Variants in PCDHGB6 observed in about 807,000 individuals in gnomAD.
The protein encoded by PCDHGB6 is protocadherin gamma-B6.
In PCDHGB6, 51 loss-of-function variants were observed where a neutral mutation model predicts 59.1. That is an observed-to-expected ratio of 0.86 (90% confidence interval 0.69 to 1.09). The LOEUF (loss-of-function observed/expected upper bound fraction) is 1.09, where lower values mean the gene tolerates loss of function less well. Ranked by LOEUF, PCDHGB6 falls within the 50% of genes least tolerant of loss-of-function variation. The pLI is 0.00. For synonymous variants in PCDHGB6, 466 were observed against 495.1 expected (o/e 0.94, Z 0.78); for missense variants, 1,148 against 1,205.1 (o/e 0.95, Z 0.70).
Position 141,491,094 on chromosome 5 carries a change from G to C in PCDHGB6, c.2419-3713G>C, listed in dbSNP as rs1240705650. The C allele has an allele frequency of 1.9e-6, 3 of 1,614,202 alleles. No homozygotes were observed. Among genetic ancestry groups the C allele is most frequent in the Non-Finnish European group, 2.5e-6 (3 of 1,180,030 alleles). On this transcript the variant is annotated intron_variant, in intron 1 of 3. Coordinates refer to ENST00000520790, the MANE Select transcript of PCDHGB6 (RefSeq NM_018926.3). The surrounding 1 kb of genome is among the most constrained non-coding windows in gnomAD (Gnocchi z 6.9). The stretch of plus-strand genomic sequence containing the variant: ...TGCCACAGTCCACAGCCCCAGGACT[G>C]TTCCTCGTGTCTACACACACTGGTG...
chr5:141,411,868 A>AG (rs1463496640), intron 1 of PCDHGB6: 1 of 152,224 alleles, frequency 6.6e-6, no homozygotes, highest in East Asian at 1.9e-4. Flanking sequence ...TCAAAAAAAA[A>AG]AGACATTTCT....
intron 1 of PCDHGB6, chr5:141,426,513 C>G (rs780618436): frequency 2.3e-5 from 8 of 341,028 alleles, no homozygotes; most frequent in African/African-American, 4.3e-5. Flanking sequence ...AATACTTTAC[C>G]GTGAACACGG....
chr5:141,414,533 C>T, intron 1 of PCDHGB6: 1 of 1,613,960 alleles, frequency 6.2e-7, no homozygotes, highest in Non-Finnish European at 8.5e-7. Flanking sequence ...AATGACAACC[C>T]ACCTACCTTC....
At position 141,440,639 on chromosome 5, in the gene PCDHGB6, T is replaced by C. The variant is rs2098191350; in HGVS notation, c.2418+30019T>C. On this transcript the variant is annotated intron_variant, in intron 1 of 3. Coordinates refer to ENST00000520790, the MANE Select transcript of PCDHGB6 (RefSeq NM_018926.3). ...GATCCTGATGTTGAGAGAAATTCCT[T>C]ACAAAATTATCACCTTAGCAGCAAC... 2 of 152,192 alleles carry C rather than the reference T, an allele frequency of 1.3e-5. 1 individual carries two copies. The highest frequency in any genetic ancestry group is 4.8e-5 in the African/African-American group (2 of 41,440). The allele number at this position is 152,192 out of a possible 1,614,324, so 9.4% of individuals were successfully genotyped here.
rs907427230 is a variant in PCDHGB6, at chr5:141,489,936, G to A, written c.2419-4871G>A. 4 of 1,614,096 alleles carry A rather than the reference G, an allele frequency of 2.5e-6. No homozygotes were observed. In the African/African-American group the frequency reaches 5.3e-5, roughly 22 times the overall value. ...GGACCACCCTTATCTCTGTCATCGT[G>A]CTGGACATCAATGATAATGCTCCAA... is the stretch of plus-strand genomic sequence containing the variant. On this transcript the variant is annotated intron_variant, in intron 1 of 3. Coordinates refer to ENST00000520790, the MANE Select transcript of PCDHGB6 (RefSeq NM_018926.3). This position sits in a 1 kb window ranked among gnomAD's most constrained non-coding sequence, Gnocchi z 4.5.
chr5:141,415,096 G>A (rs1398998410), intron 1 of PCDHGB6: 3 of 1,613,462 alleles, frequency 1.9e-6, no homozygotes, highest in Non-Finnish European at 2.5e-6. Flanking sequence ...GGACAGAGAC[G>A]CGCTCAAGCA....
chr5:141,439,697 A>T (rs2098127217), intron 1 of PCDHGB6, among the ~76,000 whole-genome samples: 1 of 152,218 alleles, frequency 6.6e-6, no homozygotes, highest in Non-Finnish European at 1.5e-5. Flanking sequence ...CAACATTCCT[A>T]TTATGGCTCC....
Position 141,409,669 on chromosome 5 carries a change from C to A in PCDHGB6, c.1467C>A (p.Tyr489Ter). ...PDLGLNGHISYSIVASDLEPL... is the reference protein window; with the variant it reads ...PDLGLNGHIS ...TGGGGCTCAATGGCCACATCTCCTA[C>A]TCTATAGTGGCGAGTGACCTAGAGC... Residue 489 changes from tyrosine (Y) to a stop codon, truncating the protein, a stop_gained, in exon 1 of 4, where the codon TAC becomes TAA. Transcript: ENST00000520790. LOFTEE classifies it high-confidence loss of function. The A allele has an allele frequency of 6.2e-7, 1 of 1,613,528 alleles. No homozygotes were observed. Among genetic ancestry groups the A allele is most frequent in the Non-Finnish European group, 8.5e-7 (1 of 1,179,866 alleles).
Position 141,489,245 on chromosome 5 carries a change from G to A in PCDHGB6, c.2419-5562G>A, listed in dbSNP as rs773391205. 3 of 1,536,634 alleles carry A rather than the reference G, an allele frequency of 2.0e-6. No homozygotes were observed. The South Asian group carries it at 3.9e-5, about 20-fold the overall frequency. On this transcript the variant is annotated intron_variant, in intron 1 of 3. Transcript: ENST00000520790. The surrounding 1 kb of genome is among the most constrained non-coding windows in gnomAD (Gnocchi z 4.5). The stretch of plus-strand genomic sequence containing the variant: ...CCACAAAGGGACTTCTGGGTCATGG[G>A]GCCCAAGACACTCCCACAGCTCGCT...
chr5:141,413,386 G>A (rs757396075), intron 1 of PCDHGB6: 6 of 1,613,884 alleles, frequency 3.7e-6, no homozygotes, highest in African/African-American at 1.3e-5. Context: ...AGTCCGCATA[G>A]TCTCCAGAGG....
In PCDHGB6 at chr5:141,432,002, G is replaced by A. The variant is rs781525225; in HGVS notation, c.2418+21382G>A. On this transcript the variant is annotated intron_variant, in intron 1 of 3. Transcript: ENST00000520790. This position sits in a 1 kb window ranked among gnomAD's most constrained non-coding sequence, Gnocchi z 6.0. ...AGACATAGTCTTGGATAGGGAACAG[G>A]TTCCTAGCTACAACATCACAGTGAC... The A allele has an allele frequency of 1.9e-6, 3 of 1,614,186 alleles. No homozygotes were observed. In the South Asian group the frequency reaches 3.3e-5, roughly 18 times the overall value.
At chr5:141,414,639 T>A in intron 1 of PCDHGB6, 1 of 1,613,966 alleles carries the variant, frequency 6.2e-7, no homozygotes, top group South Asian at 1.1e-5. Context: ...GCAAAGAGAA[T>A]GCCCAGATTA....
chr5:141,480,102 T>C (rs568342271), intron 1 of PCDHGB6, among the ~76,000 whole-genome samples: 1 of 152,320 alleles, frequency 6.6e-6, no homozygotes, highest in South Asian at 2.1e-4. Flanking sequence ...GCAAAGTGTT[T>C]AGCATGGTGC....
chr5:141,467,008 A>T (rs1319152720), intron 1 of PCDHGB6, among the ~76,000 whole-genome samples: 1 of 150,270 alleles, frequency 6.7e-6, no homozygotes, highest in African/African-American at 2.4e-5. Context: ...TTGCAATGCA[A>T]TTTTTTTCCC....
At position 141,489,257 on chromosome 5, in the gene PCDHGB6, T is replaced by TC. The variant is rs773157586; in HGVS notation, c.2419-5547dup. The stretch of plus-strand genomic sequence containing the variant: ...TTCTGGGTCATGGGGCCCAAGACAC[T>TC]CCCACAGCTCGCTGGGAAATGGCAA... On this transcript the variant is annotated intron_variant, in intron 1 of 3. Coordinates refer to ENST00000520790, the MANE Select transcript of PCDHGB6 (RefSeq NM_018926.3). The surrounding 1 kb of genome is among the most constrained non-coding windows in gnomAD (Gnocchi z 4.5). 1 of 1,550,308 alleles carries TC rather than the reference T, an allele frequency of 6.5e-7. No homozygotes were observed. Among genetic ancestry groups the TC allele is most frequent in the Non-Finnish European group, 8.7e-7 (1 of 1,148,342 alleles).
rs1222348421 is a variant in PCDHGB6, at chr5:141,511,044, C to T, written c.2664C>T (p.Asp888=). 1 of 1,614,128 alleles carries T rather than the reference C, an allele frequency of 6.2e-7. No homozygotes were observed. The highest frequency in any genetic ancestry group is 1.3e-5 in the African/African-American group (1 of 74,940). ...GPQFTLQHVP[D]YRQNVYIPGS... is the part of the protein sequence containing the mutation. ...AGTTCACCCTGCAGCACGTGCCCGA[C>T]TACCGCCAGAATGTCTACATCCCAG... The change falls in exon 4 of 4, where the codon GAC becomes GAT. Residue 888 remains aspartate, a synonymous_variant. Coordinates refer to ENST00000520790, the MANE Select transcript of PCDHGB6 (RefSeq NM_018926.3).
At chr5:141,428,141 G>A (rs1314061143) in intron 1 of PCDHGB6, 1 of 1,596,618 alleles carries the variant, frequency 6.3e-7, no homozygotes, top group Non-Finnish European at 8.6e-7. Context: ...GCCTGGGGCT[G>A]CACACGGGAA....
chr5:141,441,762 C>A (rs3805697), intron 1 of PCDHGB6: 10 of 374,012 alleles, frequency 2.7e-5, no homozygotes, highest in Non-Finnish European at 2.2e-5. Flanking sequence ...CGTGAGCCTG[C>A]GCGTGTTGGT....
Position 141,432,667 on chromosome 5 carries a change from C to T in PCDHGB6, c.2418+22047C>T, listed in dbSNP as rs1312138743. ...CGGCGCGAGCCCTGCTGGACAGAGACGCGCTCAAGCAGAGCCTCGTAGTGG... is the reference window on the plus strand; with the variant it reads ...CGGCGCGAGCCCTGCTGGACAGAGATGCGCTCAAGCAGAGCCTCGTAGTGG... On this transcript the variant is annotated intron_variant, in intron 1 of 3. Transcript: ENST00000520790. This position sits in a 1 kb window ranked among gnomAD's most constrained non-coding sequence, Gnocchi z 6.0. The T allele has an allele frequency of 1.2e-6, 2 of 1,613,876 alleles. No individual in the cohort carries two copies. The highest frequency in any genetic ancestry group is 1.1e-5 in the South Asian group (1 of 91,066).
Sources: gnomAD v4.1 joint callset for allele counts (sites outside exome capture counted in the v4.1 genomes callset) on GRCh38, gnomAD v4.1.1 for gene constraint, Gnocchi (gnomAD v3.1) non-coding constraint, MANE v1.5 for transcripts, NCBI Gene and HGNC (gene_info 2026-07-23, HGNC 2026-07-21) for gene names.